SLC12A7: variants seen among roughly 807,000 people sequenced by gnomAD.
SLC12A7 encodes solute carrier family 12 member 7, also known as K-Cl cotransporter 4.
Under a neutral mutation model 120.6 loss-of-function variants are expected in SLC12A7, and 100 were observed. That is an observed-to-expected ratio of 0.83 (90% CI 0.71 to 0.98). The LOEUF (loss-of-function observed/expected upper bound fraction) is 0.98. SLC12A7 is among the 50% of genes least tolerant of loss of function. The pLI is 0.00. For synonymous variants in SLC12A7, 760 were observed against 678.0 expected, an observed-to-expected ratio of 1.12 and a Z score of -1.88; for missense variants, 1,373 against 1,548.1, an observed-to-expected ratio of 0.89 and a Z score of 1.90.
chr5:1,122,224 A>T, the SLC12A7 span, among the ~76,000 whole-genome samples: 1 of 152,062 alleles, frequency 6.6e-6, no homozygotes, highest in South Asian at 2.1e-4. Flanking sequence ...CTCCCTAGAA[A>T]CGTGTCACCC....
At chr5:1,068,364 G>A (rs3789203) in intron 17 of SLC12A7, among the ~76,000 whole-genome samples, 54,711 of 152,146 alleles carry the variant, frequency 0.36, 10,986 homozygotes, top group South Asian at 0.46. Flanking sequence ...AACTCGGGAG[G>A]TGGAGGTTGC....
chr5:1,099,165 G>A (rs1741716193), intron 1 of SLC12A7, among the ~76,000 whole-genome samples: 1 of 152,162 alleles, frequency 6.6e-6, no homozygotes, highest in South Asian at 2.1e-4. Context: ...GGCGAGGGAT[G>A]GCCCAACAAC....
chr5:1,084,169 C>CGGGGACT (rs1437019652), intron 7 of SLC12A7, among the ~76,000 whole-genome samples: 2 of 151,964 alleles, frequency 1.3e-5, no homozygotes, highest in Non-Finnish European at 2.9e-5. Flanking sequence ...CACTGGGGAC[C>CGGGGACT]GGGGACTGGG....
At chr5:1,113,212 A>T (rs1429278453), upstream of SLC12A7, among the ~76,000 whole-genome samples, 1 of 152,222 alleles carries the variant, frequency 6.6e-6, no homozygotes, top group Admixed American at 6.5e-5. Context: ...GTACGACAAC[A>T]AAGCAGAAAC....
chr5:1,060,303 T>G, intron 21 of SLC12A7, 41 bp downstream of exon 21: 1 of 1,485,156 alleles, frequency 6.7e-7, no homozygotes, highest in Non-Finnish European at 9.4e-7. Context: ...CGGCTATACT[T>G]CTCAGAAAGC....
chr5:1,074,264 G>A (rs906536117), intron 16 of SLC12A7, among the ~76,000 whole-genome samples: 1 of 152,120 alleles, frequency 6.6e-6, no homozygotes, highest in Non-Finnish European at 1.5e-5. Flanking sequence ...CCCCGCCGAG[G>A]CCCTGAGGGG....
At chr5:1,143,921 G>A in the SLC12A7 span, among the ~76,000 whole-genome samples, 1 of 151,478 alleles carries the variant, frequency 6.6e-6, no homozygotes, top group African/African-American at 2.4e-5. Flanking sequence ...GGGCACCCTG[G>A]CGCTGGGAAA....
intron 3 of SLC12A7, among the ~76,000 whole-genome samples, chr5:1,091,643 C>T (rs1469298962): frequency 8.6e-5 from 13 of 151,896 alleles, no homozygotes; most frequent in Non-Finnish European, 1.8e-4. Context: ...GTGCTGAGCC[C>T]GGCAATACCC....
chr5:1,090,941 G>A (rs1740426974), intron 3 of SLC12A7, among the ~76,000 whole-genome samples: 1 of 152,118 alleles, frequency 6.6e-6, no homozygotes, highest in Admixed American at 6.5e-5. Flanking sequence ...ATGAGCCTCT[G>A]AGCCTGGCAA....
chr5:1,122,538 G>A, the SLC12A7 span, among the ~76,000 whole-genome samples: 1 of 152,184 alleles, frequency 6.6e-6, no homozygotes, highest in Non-Finnish European at 1.5e-5. Flanking sequence ...GTGTCCGACG[G>A]ACGAACCGCA....
At position 1,064,199 on chromosome 5, in the gene SLC12A7, C is replaced by A; in HGVS notation, c.2491G>T (p.Val831Phe). The A allele has an allele frequency of 1.9e-6, 3 of 1,612,366 alleles. No homozygotes were observed. Among genetic ancestry groups the A allele is most frequent in the Non-Finnish European group, 2.5e-6 (3 of 1,179,674 alleles). ...AHQALLVAKN[V>F]DSFPQNQERF... ...TCCTGGTTTTGCGGAAACGAGTCGACGTTCTTGGCCACCAGCAGAGCCTGG... is the reference window on the plus strand; with the variant it reads ...TCCTGGTTTTGCGGAAACGAGTCGAAGTTCTTGGCCACCAGCAGAGCCTGG... The change falls in exon 19 of 24, where the codon GTC (valine) becomes TTC (phenylalanine). Residue 831 changes from valine (V) to phenylalanine (F), a missense_variant. Coordinates refer to ENST00000264930, the MANE Select transcript of SLC12A7 (RefSeq NM_006598.3).
At chr5:1,119,118 A>T in the SLC12A7 span, among the ~76,000 whole-genome samples, 1 of 152,216 alleles carries the variant, frequency 6.6e-6, no homozygotes, top group East Asian at 1.9e-4. Flanking sequence ...GAGCCGACAC[A>T]GGCAGGGGCC....
chr5:1,074,730 T>A, intron 15 of SLC12A7, 59 bp from the exon 16 acceptor site: 1 of 1,517,526 alleles, frequency 6.6e-7, no homozygotes, highest in South Asian at 1.1e-5. Context: ...CTCTCCCACC[T>A]GGGAAAGGGG....
intron 17 of SLC12A7, 73 bp from the exon 18 acceptor site, chr5:1,065,551 GCC>G: frequency 7.5e-7 from 1 of 1,340,454 alleles, no homozygotes; most frequent in Non-Finnish European, 1.0e-6. Flanking sequence ...ACCCACGGTG[GCC>G]AGGGCACCCG....
chr5:1,090,058 C>CA (rs1287873419), intron 3 of SLC12A7, among the ~76,000 whole-genome samples: 2 of 152,350 alleles, frequency 1.3e-5, no homozygotes, highest in East Asian at 3.9e-4. Context: ...ACAGTGGCCA[C>CA]AATGTGGATC....
At position 1,083,970 on chromosome 5, in the gene SLC12A7, G is replaced by A. The variant is rs1739518537; in HGVS notation, c.918-14C>T. 3.1e-6 allele frequency: 5 copies of A among 1,597,314 alleles called. No homozygotes were observed. In the South Asian group the frequency reaches 3.3e-5, roughly 11 times the overall value. ...AGGAGGCAGACCCTGGGCGGGACAG[G>A]GAGGCACGGCACGTGTGCTGCCACC... On this transcript the variant is annotated splice_polypyrimidine_tract_variant and intron_variant, in intron 7 of 23. Transcript: ENST00000264930.
chr5:1,137,500 TACACCTTCCCTTCCCGTTGTCC>T, the SLC12A7 span, among the ~76,000 whole-genome samples: 1 of 152,164 alleles, frequency 6.6e-6, no homozygotes, highest in African/African-American at 2.4e-5. Context: ...CAGCTCCAGC[TACACCTTCCCTTCCCGTTGTCC>T]ACACCTTCCC....
intron 22 of SLC12A7, chr5:1,056,620 G>A (rs927606621): frequency 1.0e-6 from 1 of 983,310 alleles, no homozygotes; most frequent in Non-Finnish European, 1.2e-6. Flanking sequence ...AAAAACAAGA[G>A]TGTGTTACTG....
the SLC12A7 span, among the ~76,000 whole-genome samples, chr5:1,154,352 G>A: frequency 5.9e-5 from 5 of 84,742 alleles, no homozygotes; most frequent in East Asian, 2.8e-4. Context: ...ACTGGTGTCC[G>A]CAACACACAC....
Sources: allele counts gnomAD v4.1 joint callset (sites outside exome capture counted in the v4.1 genomes callset), GRCh38; gene constraint gnomAD v4.1.1; transcripts MANE v1.5; gene names NCBI Gene and HGNC (gene_info 2026-07-23, HGNC 2026-07-21).